RXRG: variants seen among roughly 807,000 people sequenced by gnomAD.
The protein encoded by RXRG is retinoic acid receptor RXR-gamma.
A neutral mutation model predicts 49.2 loss-of-function variants in RXRG; 19 were observed. The observed-to-expected ratio is 0.39, with a 90% CI of 0.27 to 0.57. The LOEUF (loss-of-function observed/expected upper bound fraction) is 0.57, where lower values mean the gene tolerates loss of function less well. RXRG is among the 20% of genes least tolerant of loss of function. RXRG has a pLI of 0.64. For missense variants in RXRG, 452 were observed against 592.5 expected (o/e 0.76, Z 2.46); for synonymous variants, 224 against 216.6 (o/e 1.03, Z -0.30).
chr1:165,415,844 G>A (rs2101717709), intron 4 of RXRG, among the ~76,000 whole-genome samples: 1 of 152,248 alleles, frequency 6.6e-6, no homozygotes, highest in African/African-American at 2.4e-5. Context: ...TCACAACCTG[G>A]CAGGGAAGGA....
intron 2 of RXRG, among the ~76,000 whole-genome samples, chr1:165,421,506 G>A (rs1658312065): frequency 6.6e-6 from 1 of 150,712 alleles, no homozygotes; most frequent in African/African-American, 2.4e-5. Flanking sequence ...TGAGTCTGAG[G>A]TAGGGCCTTG....
In RXRG at chr1:165,403,455, A is replaced by C. The variant is rs908881083; in HGVS notation, c.1245-2045T>G. On this transcript the variant is annotated intron_variant, in intron 9 of 9. Coordinates refer to ENST00000359842, the MANE Select transcript of RXRG (RefSeq NM_006917.5). ...ATGTGTATATTTCTACACTTATGCCATAAGACATTTTAAAGAAATGTAGCA... is the reference window on the plus strand; with the variant it reads ...ATGTGTATATTTCTACACTTATGCCCTAAGACATTTTAAAGAAATGTAGCA... Among the ~76,000 whole-genome samples the C allele has an allele frequency of 5.9e-5, 9 of 152,364 alleles. No individual in the cohort carries two copies. The South Asian group carries it at 1.7e-3, about 28-fold the overall frequency.
intron 2 of RXRG, among the ~76,000 whole-genome samples, chr1:165,424,388 C>T (rs1658415575): frequency 1.3e-5 from 2 of 152,166 alleles, no homozygotes; most frequent in Non-Finnish European, 2.9e-5. Context: ...TGGGAATAAT[C>T]CTAATAATAC....
rs187741208 is a variant in RXRG, at chr1:165,417,805, T to C, written c.443-585A>G. ...ATCAAGCTATGACATAAAGATCTGA[T>C]AGAAGCTGATTTTGCAGCCGGGCAT... is the stretch of plus-strand genomic sequence containing the variant. On this transcript the variant is annotated intron_variant, in intron 3 of 9. Transcript: ENST00000359842. Among the ~76,000 whole-genome samples the C allele has an allele frequency of 4.6e-3, 701 of 152,236 alleles. 4 individuals carry two copies. Among genetic ancestry groups the C allele is most frequent in the African/African-American group, 0.016 (671 of 41,536 alleles).
chr1:165,431,135 G>C (rs1405953236), intron 1 of RXRG, among the ~76,000 whole-genome samples: 1 of 152,204 alleles, frequency 6.6e-6, no homozygotes, highest in Non-Finnish European at 1.5e-5. Flanking sequence ...CACTGCCCAG[G>C]TAGTTAGTGG....
At chr1:165,437,132 G>A in intron 1 of RXRG, 3 of 1,367,654 alleles carry the variant, frequency 2.2e-6, no homozygotes, top group Non-Finnish European at 2.9e-6. Context: ...AGGGTTCAGG[G>A]CTCACAGTAT....
intron 9 of RXRG, among the ~76,000 whole-genome samples, chr1:165,402,791 T>C (rs1332941528): frequency 6.6e-6 from 1 of 151,724 alleles, no homozygotes; most frequent in Non-Finnish European, 1.5e-5. Context: ...CCTTCACACA[T>C]ACTTCACATG....
chr1:165,418,473 T>C (rs1292537117), intron 3 of RXRG, among the ~76,000 whole-genome samples: 1 of 152,204 alleles, frequency 6.6e-6, no homozygotes, highest in Non-Finnish European at 1.5e-5. Context: ...TCTAATTCTG[T>C]TTTACTTAGG....
chr1:165,432,626 C>G (rs1008294901), intron 1 of RXRG, among the ~76,000 whole-genome samples: 4 of 152,256 alleles, frequency 2.6e-5, no homozygotes, highest in Admixed American at 1.3e-4. Flanking sequence ...CAGCCAATAC[C>G]AAAAGGCACC....
chr1:165,440,494 CCAA>C (rs1365196632), intron 1 of RXRG, among the ~76,000 whole-genome samples: 2 of 152,148 alleles, frequency 1.3e-5, no homozygotes, highest in African/African-American at 4.8e-5. Flanking sequence ...CCAAAATGCT[CCAA>C]CGAGCATTTC....
chr1:165,417,358 G>A (rs1037573326), intron 3 of RXRG, 138 bp from the exon 4 acceptor site: 2 of 688,282 alleles, frequency 2.9e-6, no homozygotes, highest in Non-Finnish European at 4.8e-6. Context: ...ATAATCACTA[G>A]CAGAGAATGC....
At chr1:165,406,154 A>C (rs1034342857) in intron 9 of RXRG, among the ~76,000 whole-genome samples, 1 of 100,952 alleles carries the variant, frequency 9.9e-6, no homozygotes. Flanking sequence ...AATATCTTTT[A>C]ATAACTCAGA....
chr1:165,427,577 G>C (rs1658529863), intron 2 of RXRG, among the ~76,000 whole-genome samples: 1 of 152,098 alleles, frequency 6.6e-6, no homozygotes, highest in African/African-American at 2.4e-5. Context: ...TGAGTAGCTG[G>C]GATTACAGGC....
chr1:165,407,217 C>T (rs191556408), intron 8 of RXRG, among the ~76,000 whole-genome samples: 39 of 152,302 alleles, frequency 2.6e-4, no homozygotes, highest in African/African-American at 8.4e-4. Flanking sequence ...ACACATTTAC[C>T]GAGTGCCTAT....
chr1:165,406,453 C>T (rs779096838), intron 9 of RXRG, among the ~76,000 whole-genome samples: 2 of 152,244 alleles, frequency 1.3e-5, no homozygotes, highest in South Asian at 2.1e-4. Flanking sequence ...ACCTCCACCG[C>T]GTGCTAGCAT....
rs188237854 is a variant in RXRG at position 165,402,644 on chromosome 1, A to G, written c.1245-1234T>C. On this transcript the variant is annotated intron_variant, in intron 9 of 9. Transcript: ENST00000359842. ...TACACTGTCACATTCCCTTGCATAC[A>G]TGCACTTACACACACACCCTCACAC... Among the ~76,000 whole-genome samples, 13 of 151,982 alleles carry G rather than the reference A, an allele frequency of 8.6e-5. No homozygotes were observed. The East Asian group carries it at 2.3e-3, about 27-fold the overall frequency.
At chr1:165,409,517 A>G in intron 7 of RXRG, 41 bp downstream of exon 7, 1 of 1,405,836 alleles carries the variant, frequency 7.1e-7, no homozygotes, top group Non-Finnish European at 9.3e-7. Context: ...ACACACACAC[A>G]CACATAATAC....
chr1:165,444,959 C>A lies in RXRG; in HGVS notation c.-66G>T. The A allele has an allele frequency of 6.7e-7, 1 of 1,482,876 alleles. No individual in the cohort carries two copies. The highest frequency in any genetic ancestry group is 9.4e-7 in the Non-Finnish European group (1 of 1,060,654). The allele number at this position is 1,482,876 out of a possible 1,614,324, so 91.9% of individuals were successfully genotyped here. A position where few individuals can be genotyped will look rare whatever the true frequency, so the allele number is the denominator to read the frequency against. On this transcript the variant is annotated 5_prime_UTR_variant, in exon 1 of 10. Transcript: ENST00000359842. ...AAATATTACCGCCTCTCTCGGCTCC[C>A]AGGCACAGCCCGGCTTTCTTCAACT...
At chr1:165,402,611 C>T (rs981252350) in intron 9 of RXRG, among the ~76,000 whole-genome samples, 5 of 152,076 alleles carry the variant, frequency 3.3e-5, no homozygotes, top group Non-Finnish European at 5.9e-5. Flanking sequence ...CGCACACTCA[C>T]ACTCTTTTAC....
Sources: allele counts gnomAD v4.1 joint callset (sites outside exome capture counted in the v4.1 genomes callset), GRCh38; gene constraint gnomAD v4.1.1; transcripts MANE v1.5; gene names NCBI Gene and HGNC (gene_info 2026-07-23, HGNC 2026-07-21).